SLC2A13: variants seen among roughly 807,000 people sequenced by gnomAD.
The protein encoded by SLC2A13 is proton myo-inositol cotransporter.
In SLC2A13, 32 loss-of-function variants were observed where a neutral mutation model predicts 64.4. The observed-to-expected ratio is 0.50, with a 90% CI of 0.37 to 0.67. SLC2A13 has a LOEUF of 0.67. Among genes scored for constraint, SLC2A13 ranks in the 30% least tolerant of loss-of-function variants. The probability of loss-of-function intolerance (pLI) is 0.00; values close to 1 mark genes in which losing one functional copy is unlikely to be tolerated. For missense variants in SLC2A13, 743 were observed against 829.2 expected (o/e 0.90, Z 1.28); for synonymous variants, 338 against 327.1 (o/e 1.03, Z -0.36).
At chr12:39,803,027 G>A (rs1386283606) in intron 7 of SLC2A13, among the ~76,000 whole-genome samples, 1 of 152,102 alleles carries the variant, frequency 6.6e-6, no homozygotes, top group Non-Finnish European at 1.5e-5. Flanking sequence ...ATACAATGAA[G>A]GCAGAAATTT....
chr12:39,969,720 A>G (rs1483672532), intron 3 of SLC2A13, among the ~76,000 whole-genome samples: 3 of 152,228 alleles, frequency 2.0e-5, no homozygotes, highest in Non-Finnish European at 4.4e-5. Context: ...AGATGAATAG[A>G]TTGCAAAAAT....
chr12:40,083,580 C>T (rs1938486804), intron 1 of SLC2A13, among the ~76,000 whole-genome samples: 1 of 152,154 alleles, frequency 6.6e-6, no homozygotes, highest in Non-Finnish European at 1.5e-5. Flanking sequence ...ACTGGGCTGG[C>T]CTCAAGGCAG....
intron 6 of SLC2A13, among the ~76,000 whole-genome samples, chr12:39,839,997 G>C (rs1031793328): frequency 6.6e-6 from 1 of 151,966 alleles, no homozygotes; most frequent in Non-Finnish European, 1.5e-5. Flanking sequence ...TATGTCTCAA[G>C]CATGTATAGT....
intron 2 of SLC2A13, among the ~76,000 whole-genome samples, chr12:40,044,498 T>C (rs1030159784): frequency 6.6e-6 from 1 of 152,184 alleles, no homozygotes; most frequent in African/African-American, 2.4e-5. Flanking sequence ...AAGTTGTTTT[T>C]ATTAAAAAAT....
At chr12:39,976,956 C>A (rs192934518) in intron 3 of SLC2A13, among the ~76,000 whole-genome samples, 4 of 152,184 alleles carry the variant, frequency 2.6e-5, no homozygotes, top group Admixed American at 1.3e-4. Context: ...CCATCTTATG[C>A]AATGCATTAA....
chr12:39,996,016 T>G (rs573286262), intron 3 of SLC2A13, among the ~76,000 whole-genome samples: 1 of 152,314 alleles, frequency 6.6e-6, no homozygotes, highest in African/African-American at 2.4e-5. Flanking sequence ...ACAAATACAG[T>G]ACATTGGAGT....
At chr12:39,949,722 T>C (rs1199278453) in intron 4 of SLC2A13, 1 of 152,148 alleles carries the variant, frequency 6.6e-6, no homozygotes, top group Non-Finnish European at 1.5e-5. Flanking sequence ...TTTAAATGCT[T>C]AGGAAAAAAA....
intron 4 of SLC2A13, among the ~76,000 whole-genome samples, chr12:39,927,827 A>T (rs1216175270): frequency 6.6e-6 from 1 of 152,176 alleles, no homozygotes; most frequent in Non-Finnish European, 1.5e-5. Flanking sequence ...ACACAACATG[A>T]TTGTTTTTAT....
At chr12:39,965,224 T>G (rs769040537) in intron 3 of SLC2A13, among the ~76,000 whole-genome samples, 14 of 152,168 alleles carry the variant, frequency 9.2e-5, no homozygotes, top group Non-Finnish European at 1.6e-4. Context: ...CCTAAAGCAG[T>G]TGGTAACTAA....
At position 39,988,713 on chromosome 12, in the gene SLC2A13, G is replaced by C. The variant is rs1274141449; in HGVS notation, c.926-37348C>G. 2.4e-5 allele frequency among the ~76,000 whole-genome samples: 3 copies of C among 127,408 alleles called. No homozygotes were observed. The South Asian group carries it at 9.4e-4, about 40-fold the overall frequency. 83.6% of individuals were successfully genotyped at this position (127,408 alleles called of 152,430 possible). A position where few individuals can be genotyped will look rare whatever the true frequency, so the allele number is the denominator to read the frequency against. Reference sequence around the variant, plus strand: ...AGGGAGGAAGGAAGGAAGGAAGGAAGGAAGGAAGGAAGGAAGGGGGGGAGG... The same window carrying C: ...AGGGAGGAAGGAAGGAAGGAAGGAACGAAGGAAGGAAGGAAGGGGGGGAGG... On this transcript the variant is annotated intron_variant, in intron 3 of 9. Transcript: ENST00000280871.
chr12:40,010,875 G>A (rs1443980806), intron 3 of SLC2A13, among the ~76,000 whole-genome samples: 1 of 152,188 alleles, frequency 6.6e-6, no homozygotes, highest in Non-Finnish European at 1.5e-5. Flanking sequence ...GTCCTGGAAA[G>A]TCATCTGCCA....
intron 6 of SLC2A13, among the ~76,000 whole-genome samples, chr12:39,833,185 T>C (rs1376437924): frequency 2.0e-5 from 3 of 152,142 alleles, no homozygotes; most frequent in South Asian, 2.1e-4. Context: ...TCTTTACTTA[T>C]TGTTTATGAC....
chr12:39,926,773 GC>G (rs1945737593), intron 4 of SLC2A13, among the ~76,000 whole-genome samples: 1 of 152,060 alleles, frequency 6.6e-6, no homozygotes, highest in Non-Finnish European at 1.5e-5. Flanking sequence ...GAGCCACCAT[GC>G]TAGGCGAGCT....
intron 7 of SLC2A13, among the ~76,000 whole-genome samples, chr12:39,789,462 A>G (rs1281959511): frequency 6.6e-6 from 1 of 152,106 alleles, no homozygotes; most frequent in African/African-American, 2.4e-5. Flanking sequence ...CCCCCTACTC[A>G]TTTCCAGTTT....
intron 2 of SLC2A13, among the ~76,000 whole-genome samples, chr12:40,032,005 T>C (rs148675955): frequency 0.014 from 2,075 of 152,214 alleles, 126 homozygotes; most frequent in Admixed American, 0.095. Flanking sequence ...ATCTCATTAT[T>C]CTAAATTAAG....
chr12:39,921,709 T>A (rs1239098218), intron 4 of SLC2A13, among the ~76,000 whole-genome samples: 1 of 152,090 alleles, frequency 6.6e-6, no homozygotes, highest in African/African-American at 2.4e-5. Flanking sequence ...CCTAACTGAG[T>A]ATATCAGATA....
At chr12:40,067,102 A>C (rs979953239) in intron 1 of SLC2A13, among the ~76,000 whole-genome samples, 1 of 152,224 alleles carries the variant, frequency 6.6e-6, no homozygotes, top group Non-Finnish European at 1.5e-5. Context: ...CCGGTGTACA[A>C]AACTGCAAAT....
chr12:40,032,217 C>T (rs1341495858), intron 2 of SLC2A13, among the ~76,000 whole-genome samples: 1 of 152,074 alleles, frequency 6.6e-6, no homozygotes, highest in Non-Finnish European at 1.5e-5. Context: ...GTTTTTAAAA[C>T]CCAGGGTAAA....
chr12:39,892,726 A>G (rs1944644429), intron 4 of SLC2A13, among the ~76,000 whole-genome samples: 1 of 152,214 alleles, frequency 6.6e-6, no homozygotes, highest in Non-Finnish European at 1.5e-5. Context: ...AAAATAAACA[A>G]TATCAAATTT....
Sources: gnomAD v4.1 joint callset for allele counts (sites outside exome capture counted in the v4.1 genomes callset) on GRCh38, gnomAD v4.1.1 for gene constraint, MANE v1.5 for transcripts, NCBI Gene and HGNC (gene_info 2026-07-23, HGNC 2026-07-21) for gene names.